The following RGS20 variants were observed in gnomAD, a reference collection of about 807,000 sequenced individuals.
RGS20 encodes gz-selective GTPase-activating protein.
Under a neutral mutation model 33.6 loss-of-function variants are expected in RGS20, and 30 were observed. The ratio of observed to expected loss-of-function variants is 0.89; its 90% CI spans 0.67 to 1.21. The LOEUF (loss-of-function observed/expected upper bound fraction) is 1.21, where lower values mean the gene tolerates loss of function less well. Ranked by LOEUF, RGS20 falls within the 50% of genes most tolerant of loss-of-function variation. The pLI, the probability that RGS20 is intolerant of heterozygous loss-of-function variation, is 0.00. For synonymous variants in RGS20, 208 were observed against 197.9 expected (o/e 1.05, Z -0.43); for missense variants, 472 against 502.4 (o/e 0.94, Z 0.58).
intron 3 of RGS20, among the ~76,000 whole-genome samples, chr8:53,941,411 AC>A (rs963357134): frequency 2.6e-5 from 4 of 152,166 alleles, no homozygotes; most frequent in African/African-American, 9.6e-5. Flanking sequence ...ACCTAAAAGA[AC>A]CGAAGAAAGG....
chr8:53,886,756 GAGCAC>G (rs1441513377), intron 2 of RGS20, among the ~76,000 whole-genome samples: 1 of 152,154 alleles, frequency 6.6e-6, no homozygotes, highest in Non-Finnish European at 1.5e-5. Context: ...TTCAAGGCTG[GAGCAC>G]AAGTTTGTAC....
At chr8:53,852,110 G>T (rs770535462) in intron 1 of RGS20, 6 of 1,517,478 alleles carry the variant, frequency 4.0e-6, no homozygotes, top group Non-Finnish European at 5.3e-6. Context: ...TCAAGGGAAA[G>T]TGTTTACCCA....
chr8:53,949,131 T>C (rs369630663), intron 4 of RGS20, among the ~76,000 whole-genome samples: 6 of 35,364 alleles, frequency 1.7e-4, no homozygotes, highest in Admixed American at 6.3e-4. Context: ...TATATATTTA[T>C]ATATGCTATA....
chr8:53,882,440 G>A (rs1440553381), intron 2 of RGS20, among the ~76,000 whole-genome samples: 4 of 152,166 alleles, frequency 2.6e-5, no homozygotes, highest in Admixed American at 6.5e-5. Flanking sequence ...TCGCGGACAG[G>A]CGAGGGGGAT....
intron 1 of RGS20, among the ~76,000 whole-genome samples, chr8:53,857,188 T>C (rs1357974025): frequency 6.6e-6 from 1 of 152,200 alleles, no homozygotes; most frequent in Non-Finnish European, 1.5e-5. Flanking sequence ...ACAAACCTAT[T>C]GAGGAAAGGG....
intron 2 of RGS20, among the ~76,000 whole-genome samples, chr8:53,919,796 T>C (rs1813593777): frequency 6.6e-6 from 1 of 152,136 alleles, no homozygotes; most frequent in South Asian, 2.1e-4. Flanking sequence ...AGGGATTGCA[T>C]TGAATCTGTA....
intron 2 of RGS20, among the ~76,000 whole-genome samples, chr8:53,935,704 C>A (rs937601683): frequency 6.7e-6 from 1 of 149,420 alleles, no homozygotes; most frequent in Non-Finnish European, 1.5e-5. Context: ...CCATTCCAAA[C>A]AATAGAAACA....
At chr8:53,908,576 G>C (rs1049225032) in intron 2 of RGS20, among the ~76,000 whole-genome samples, 10 of 151,922 alleles carry the variant, frequency 6.6e-5, no homozygotes, top group African/African-American at 2.4e-4. Context: ...GGAGGCAGAA[G>C]TTGCAGTGAG....
chr8:53,851,894 G>A lies in RGS20; in HGVS notation c.-6G>A, dbSNP rs938359444. 1 of 1,613,670 alleles carries A rather than the reference G, an allele frequency of 6.2e-7. No homozygotes were observed. The highest frequency in any genetic ancestry group is 8.5e-7 in the Non-Finnish European group (1 of 1,179,772). ...AGGACTCATTTGGGGCCTTTATTGT[G>A]AAAACATGCCCCAGCTTTCCCAAGA... On this transcript the variant is annotated 5_prime_UTR_variant, in exon 1 of 6. Coordinates refer to ENST00000297313, the MANE Select transcript of RGS20 (RefSeq NM_170587.4).
chr8:53,909,903 C>T (rs1286423753), intron 2 of RGS20, among the ~76,000 whole-genome samples: 1 of 152,150 alleles, frequency 6.6e-6, no homozygotes, highest in Admixed American at 6.5e-5. Flanking sequence ...TGTATTCTCT[C>T]TCTTTCCTTC....
At position 53,959,273 on chromosome 8, in the gene RGS20, A is replaced by G. The variant is rs1005519400; in HGVS notation, c.*815A>G. 2 of 152,188 alleles carry G rather than the reference A, an allele frequency of 1.3e-5. No homozygotes were observed. Among genetic ancestry groups the G allele is most frequent in the African/African-American group, 4.8e-5 (2 of 41,446 alleles). The allele number at this position is 152,188 out of a possible 1,614,324, so 9.4% of individuals were successfully genotyped here. A position where few individuals can be genotyped will look rare whatever the true frequency, so the allele number is the denominator to read the frequency against. On this transcript the variant is annotated 3_prime_UTR_variant, in exon 6 of 6. Transcript: ENST00000297313. ...AGAAATATGGGCATTTTCATTCTTT[A>G]AAGAAATAAAGCACAAGAATTTTAT...
intron 1 of RGS20, among the ~76,000 whole-genome samples, chr8:53,875,429 CAAAAAAAA>C (rs755991643): frequency 5.4e-5 from 3 of 55,702 alleles, no homozygotes; most frequent in Non-Finnish European, 7.6e-5. Flanking sequence ...AAGACTCTGT[CAAAAAAAA>C]AAAAAAAAAA....
At chr8:53,884,763 G>A (rs1195282635) in intron 2 of RGS20, among the ~76,000 whole-genome samples, 1 of 152,178 alleles carries the variant, frequency 6.6e-6, no homozygotes, top group Non-Finnish European at 1.5e-5. Flanking sequence ...ACGAGCATGT[G>A]CTATCTCTAG....
chr8:53,870,688 C>A (rs1563346244), intron 1 of RGS20, among the ~76,000 whole-genome samples: 1 of 152,154 alleles, frequency 6.6e-6, no homozygotes, highest in African/African-American at 2.4e-5. Flanking sequence ...CCTGGCTAAG[C>A]TTGGCTGTGT....
At chr8:53,907,525 A>G (rs868484093) in intron 2 of RGS20, among the ~76,000 whole-genome samples, 1 of 152,034 alleles carries the variant, frequency 6.6e-6, no homozygotes, top group Admixed American at 6.6e-5. Flanking sequence ...CTGAGGTTGC[A>G]GTGAGCCAAG....
Position 53,958,258 on chromosome 8 carries a change from T to C in RGS20, c.979-12T>C. 1 of 1,592,254 alleles carries C rather than the reference T, an allele frequency of 6.3e-7. No individual in the cohort carries two copies. Among genetic ancestry groups the C allele is most frequent in the South Asian group, 1.1e-5 (1 of 88,008 alleles). On this transcript the variant is annotated splice_polypyrimidine_tract_variant and intron_variant, in intron 5 of 5. Transcript: ENST00000297313. ...AGTCTCTAATACAGCTCCTACTCGT[T>C]TCTGTCGACAGGTGAGCTTAGACTC...
chr8:53,881,626 G>A (rs1229239055), intron 2 of RGS20, among the ~76,000 whole-genome samples: 5 of 152,110 alleles, frequency 3.3e-5, no homozygotes, highest in African/African-American at 9.7e-5. Context: ...GGGGCACCGA[G>A]GGGCAGGGTG....
chr8:53,881,364 C>T (rs1812377595), intron 2 of RGS20, among the ~76,000 whole-genome samples: 1 of 151,966 alleles, frequency 6.6e-6, no homozygotes, highest in Non-Finnish European at 1.5e-5. Flanking sequence ...TCCACCTCTG[C>T]GGCTTCGCGT....
chr8:53,879,759 G>A lies in RGS20; in HGVS notation c.510+157G>A, dbSNP rs1812305017. On this transcript the variant is annotated intron_variant, in intron 2 of 5. Coordinates refer to ENST00000297313, the MANE Select transcript of RGS20 (RefSeq NM_170587.4). The stretch of plus-strand genomic sequence containing the variant: ...CCGGGACGTGGCTGGGCAAGTCCTA[G>A]GACGGGACATTGGCGGCTCCCGGGA... 1.8e-5 allele frequency: 11 copies of A among 600,570 alleles called. No individual in the cohort carries two copies. In the South Asian group the frequency reaches 3.6e-4, roughly 19 times the overall value. 37.2% of individuals were successfully genotyped at this position (600,570 alleles called of 1,614,324 possible).
Sources: allele counts gnomAD v4.1 joint callset (sites outside exome capture counted in the v4.1 genomes callset), GRCh38; gene constraint gnomAD v4.1.1; transcripts MANE v1.5; gene names NCBI Gene and HGNC (gene_info 2026-07-23, HGNC 2026-07-21).